Variants in CASK observed in about 807,000 individuals in gnomAD.
The protein encoded by CASK is calcium/calmodulin dependent serine protein kinase.
CASK carries 4 observed loss-of-function variants against 82.9 expected under a neutral mutation model. That is an observed-to-expected ratio of 0.05 (90% CI 0.02 to 0.11). The LOEUF (loss-of-function observed/expected upper bound fraction) is 0.11, where lower values mean the gene tolerates loss of function less well. Among genes scored for constraint, CASK ranks in the 10% least tolerant of loss-of-function variants. The probability of loss-of-function intolerance (pLI) is 1.00; values close to 1 mark genes in which losing one functional copy is unlikely to be tolerated. For synonymous variants in CASK, 259 were observed against 253.5 expected, an observed-to-expected ratio of 1.02 and a Z score of -0.20; for missense variants, 358 against 720.9, an observed-to-expected ratio of 0.50 and a Z score of 5.76.
At chrX:41,813,473 C>G (rs1351450595) in intron 2 of CASK, among the ~76,000 whole-genome samples, 1 of 110,912 alleles carries the variant, frequency 9.0e-6, no homozygotes, top group Admixed American at 9.6e-5. Context: ...ACAAACCTGA[C>G]AAAAACAAGA....
intron 1 of CASK, among the ~76,000 whole-genome samples, chrX:41,877,660 G>A (rs1037886554): frequency 3.6e-5 from 4 of 111,753 alleles, no homozygotes; most frequent in African/African-American, 1.3e-4. Context: ...ATTGAATAAG[G>A]TACTTGCTGG....
intron 3 of CASK, among the ~76,000 whole-genome samples, chrX:41,785,668 C>A (rs2069582447): frequency 8.9e-6 from 1 of 112,035 alleles, no homozygotes; most frequent in African/African-American, 3.2e-5. Context: ...TGTTTCAGCT[C>A]CTTTGCTACA....
At chrX:41,626,023 C>T (rs190437940) in intron 10 of CASK, among the ~76,000 whole-genome samples, 6 of 96,656 alleles carry the variant, frequency 6.2e-5, no homozygotes, top group Admixed American at 5.0e-4. Flanking sequence ...AGGCTGGTCT[C>T]GAACTCCTGA....
intron 2 of CASK, among the ~76,000 whole-genome samples, chrX:41,836,403 A>G (rs1402858758): frequency 9.0e-6 from 1 of 111,521 alleles, no homozygotes; most frequent in Non-Finnish European, 1.9e-5. Context: ...CCTTTTCCCC[A>G]TAGAACCACA....
intron 7 of CASK, among the ~76,000 whole-genome samples, chrX:41,665,035 G>A (rs1224295890): frequency 3.6e-5 from 4 of 112,531 alleles, no homozygotes; most frequent in Non-Finnish European, 1.9e-5. Context: ...ATTACACAAA[G>A]AAGGTTCATA....
chrX:41,791,738 A>G lies in CASK; in HGVS notation c.173-4455T>C, dbSNP rs780187625. 5.5e-5 allele frequency among the ~76,000 whole-genome samples: 6 copies of G among 109,321 alleles called. No homozygotes were observed. In the South Asian group the frequency reaches 2.0e-3, roughly 37 times the overall value. 94.9% of individuals were successfully genotyped at this position (109,321 alleles called of 115,157 possible). A position where few individuals can be genotyped will look rare whatever the true frequency, so the allele number is the denominator to read the frequency against. On this transcript the variant is annotated intron_variant, in intron 2 of 26. Transcript: ENST00000378163. ...ACTCCATCTCAGATTAAAAAAAAAA[A>G]AAAAGAATAATGGTCTCCAACTCCA...
In CASK at chrX:41,866,029, C is replaced by T. The variant is rs144913898; in HGVS notation, c.60-12802G>A. Among the ~76,000 whole-genome samples, 352 of 112,336 alleles carry T rather than the reference C, an allele frequency of 3.1e-3. 1 individual carries two copies. Among genetic ancestry groups the T allele is most frequent in the African/African-American group, 0.011 (331 of 30,940 alleles). On this transcript the variant is annotated intron_variant, in intron 1 of 26. Transcript: ENST00000378163. Reference sequence around the variant, plus strand: ...TACAGAAGAGACCACCTGCTGGGGCCAGTTGGGAGCAGAGGCAGTATAGCC... The same window carrying T: ...TACAGAAGAGACCACCTGCTGGGGCTAGTTGGGAGCAGAGGCAGTATAGCC...
At chrX:41,632,834 G>C (rs1037711166) in intron 9 of CASK, among the ~76,000 whole-genome samples, 2 of 110,315 alleles carry the variant, frequency 1.8e-5, no homozygotes, top group South Asian at 7.7e-4. Flanking sequence ...ATCACTTGAG[G>C]TCAGGAGTAC....
At chrX:41,788,300 T>TATC (rs200812149) in intron 2 of CASK, among the ~76,000 whole-genome samples, 1,641 of 110,817 alleles carry the variant, frequency 0.015, 23 homozygotes, top group South Asian at 0.046. Flanking sequence ...AAGTTGTTAA[T>TATC]ATCATCATCA....
At chrX:41,623,541 G>C (rs1020009585) in intron 10 of CASK, among the ~76,000 whole-genome samples, 1 of 111,091 alleles carries the variant, frequency 9.0e-6, no homozygotes, top group African/African-American at 3.3e-5. Flanking sequence ...TCTTGCCTCA[G>C]GTGGATTACA....
intron 4 of CASK, among the ~76,000 whole-genome samples, chrX:41,740,130 T>C (rs748562886): frequency 1.8e-5 from 2 of 111,721 alleles, no homozygotes; most frequent in Non-Finnish European, 3.8e-5. Context: ...AATTAAAAAA[T>C]GGTAATGGGG....
chrX:41,649,416 C>A (rs1199236886), intron 8 of CASK, among the ~76,000 whole-genome samples: 1 of 111,521 alleles, frequency 9.0e-6, no homozygotes, highest in Non-Finnish European at 1.9e-5. Context: ...CCCACTACAC[C>A]CTGCTTTAAA....
intron 1 of CASK, among the ~76,000 whole-genome samples, chrX:41,888,791 A>ATATATATGTATATATACATGTATATG (rs1649846502): frequency 1.9e-5 from 2 of 104,753 alleles, no homozygotes; most frequent in African/African-American, 7.0e-5. Flanking sequence ...ATGTATGTGT[A>ATATATATGTATATATACATGTATATG]TATATATGTA....
intron 12 of CASK, among the ~76,000 whole-genome samples, chrX:41,603,966 CA>C (rs1347854059): frequency 1.8e-5 from 2 of 110,592 alleles, no homozygotes; most frequent in Non-Finnish European, 3.8e-5. Context: ...GTTTTTAATC[CA>C]AAAAACATGG....
At chrX:41,693,209 A>G (rs191150794) in intron 5 of CASK, among the ~76,000 whole-genome samples, 4 of 111,502 alleles carry the variant, frequency 3.6e-5, no homozygotes, top group Non-Finnish European at 5.7e-5. Flanking sequence ...CACACAATAT[A>G]GGTGGTTCCT....
chrX:41,837,585 A>G (rs1487836908), intron 2 of CASK, among the ~76,000 whole-genome samples: 3 of 112,340 alleles, frequency 2.7e-5, no homozygotes, highest in African/African-American at 9.7e-5. Flanking sequence ...TATAAAGGAA[A>G]TCATACAGTA....
In CASK at chrX:41,664,480, T is replaced by C. The variant is rs192396377; in HGVS notation, c.708+797A>G. 6.3e-5 allele frequency among the ~76,000 whole-genome samples: 7 copies of C among 111,086 alleles called. No individual in the cohort carries two copies. In the East Asian group the frequency reaches 2.0e-3, roughly 31 times the overall value. On this transcript the variant is annotated intron_variant, in intron 7 of 26. Coordinates refer to ENST00000378163, the MANE Select transcript of CASK (RefSeq NM_001367721.1). ...GAATAGAAAGTATGAGTTTCAGTAA[T>C]AATGAGAGGAAAAAGAATTTCCCCA...
chrX:41,898,204 G>A (rs2072305450), intron 1 of CASK, among the ~76,000 whole-genome samples: 1 of 111,385 alleles, frequency 9.0e-6, no homozygotes. Flanking sequence ...TTGATAGGCT[G>A]TATTTTTAGT....
At chrX:41,680,325 T>A (rs1394683288) in intron 5 of CASK, among the ~76,000 whole-genome samples, 1 of 109,492 alleles carries the variant, frequency 9.1e-6, no homozygotes, top group Non-Finnish European at 1.9e-5. Flanking sequence ...CTACTAAAAA[T>A]ACAAAAATTT....
Sources: gnomAD v4.1 joint callset for allele counts (sites outside exome capture counted in the v4.1 genomes callset) on GRCh38, gnomAD v4.1.1 for gene constraint, MANE v1.5 for transcripts, NCBI Gene and HGNC (gene_info 2026-07-23, HGNC 2026-07-21) for gene names.